Variants in EXOG observed in about 807,000 individuals in gnomAD.
The protein encoded by EXOG is nuclease EXOG, mitochondrial.
EXOG carries 27 observed loss-of-function variants against 25.8 expected under a neutral mutation model. The ratio of observed to expected loss-of-function variants is 1.05; its 90% CI spans 0.77 to 1.45. The LOEUF is 1.45. Ranked by LOEUF, EXOG falls within the 40% of genes most tolerant of loss-of-function variation. EXOG has a pLI of 0.00. For missense variants in EXOG, 458 were observed against 450.5 expected, an observed-to-expected ratio of 1.02 and a Z score of -0.15; for synonymous variants, 133 against 167.0, an observed-to-expected ratio of 0.80 and a Z score of 1.57.
At chr3:38,516,976 A>T (rs1034086428) in intron 5 of EXOG, among the ~76,000 whole-genome samples, 1 of 152,208 alleles carries the variant, frequency 6.6e-6, no homozygotes, top group Non-Finnish European at 1.5e-5. Context: ...TTGTCTGATT[A>T]TTGATGATTT....
At position 38,496,523 on chromosome 3, in the gene EXOG, G is replaced by C; in HGVS notation, c.156G>C (p.Gln52His). 1 of 1,611,594 alleles carries C rather than the reference G, an allele frequency of 6.2e-7. No homozygotes were observed. Among genetic ancestry groups the C allele is most frequent in the Non-Finnish European group, 8.5e-7 (1 of 1,179,694 alleles). ...CTGAGGGAGCGTTGACAGGGAAGCA[G>C]CCGGATGGTAAGTCTGTGGGCCCGT... ...QGAEGALTGKQPDGSAEKAVL... is the reference protein window; with the variant it reads ...QGAEGALTGKHPDGSAEKAVL... Residue 52 changes from glutamine (Q) to histidine (H), a missense_variant, in exon 1 of 6, where the codon CAG becomes CAC. By Grantham distance (24) the Gln-to-His change is conservative (BLOSUM62 0). Around this residue, in one of 3 missense-constraint regions of EXOG, gnomAD observed 275 missense variants for 230.5 expected, o/e 1.19. Coordinates refer to ENST00000287675, the MANE Select transcript of EXOG (RefSeq NM_005107.4).
At chr3:38,523,832 A>G (rs894571251) in intron 5 of EXOG, 69 bp from the exon 6 acceptor site, 1 of 1,118,346 alleles carries the variant, frequency 8.9e-7, no homozygotes, top group African/African-American at 1.6e-5. Flanking sequence ...TTAAATAAGT[A>G]TTTTTCAGAA....
rs933376538 is a variant in EXOG at position 38,506,841 on chromosome 3, A to G, written c.531-13A>G. 1.1e-5 allele frequency: 14 copies of G among 1,331,264 alleles called. No individual in the cohort carries two copies. Among genetic ancestry groups the G allele is most frequent in the Non-Finnish European group, 1.4e-5 (13 of 928,372 alleles). The allele number at this position is 1,331,264 out of a possible 1,614,324, so 82.5% of individuals were successfully genotyped here. The stretch of plus-strand genomic sequence containing the variant: ...ATGTGAGAATATCATACATTTTTTT[A>G]TTTGTTTTTCAGAATAGAAATGTAC... On this transcript the variant is annotated splice_polypyrimidine_tract_variant and intron_variant, in intron 4 of 5. Transcript: ENST00000287675.
At chr3:38,498,984 C>A (rs1470603669) in intron 2 of EXOG, 4 of 456,562 alleles carry the variant, frequency 8.8e-6, no homozygotes, top group South Asian at 1.5e-5. Context: ...TCAACCTTCA[C>A]CTATGGTGAG....
intron 5 of EXOG, among the ~76,000 whole-genome samples, chr3:38,514,854 T>G (rs2060489188): frequency 7.5e-6 from 1 of 133,686 alleles, no homozygotes; most frequent in African/African-American, 2.8e-5. Flanking sequence ...CACCGCAGCC[T>G]CCACCTCCCA....
intron 4 of EXOG, among the ~76,000 whole-genome samples, chr3:38,504,015 C>T (rs575886978): frequency 6.6e-6 from 1 of 152,238 alleles, no homozygotes; most frequent in Admixed American, 6.5e-5. Flanking sequence ...CTATTATTTT[C>T]TCTTGTATTC....
intron 5 of EXOG, among the ~76,000 whole-genome samples, chr3:38,521,552 A>C (rs2060716513): frequency 6.6e-6 from 1 of 152,236 alleles, no homozygotes; most frequent in Admixed American, 6.5e-5. Flanking sequence ...ATGTTCTTGA[A>C]CTGTACTGCA....
intron 4 of EXOG, among the ~76,000 whole-genome samples, chr3:38,505,081 T>G: frequency 6.6e-6 from 1 of 152,242 alleles, no homozygotes; most frequent in East Asian, 1.9e-4. Context: ...ATAACCACAG[T>G]ATTATTAATG....
rs1389201636 is a variant in EXOG at position 38,514,622 on chromosome 3, G to A, written c.645+7654G>A. ...GGGAATGATGAGTTGAGAACTGACT[G>A]TTTGCAATCCCAGTAAGCTTTTTTA... On this transcript the variant is annotated intron_variant, in intron 5 of 5. Coordinates refer to ENST00000287675, the MANE Select transcript of EXOG (RefSeq NM_005107.4). Among the ~76,000 whole-genome samples the A allele has an allele frequency of 2.0e-5, 3 of 152,216 alleles. No homozygotes were observed. In the East Asian group the frequency reaches 5.8e-4, roughly 29 times the overall value.
At chr3:38,507,021 ACTT>A in intron 5 of EXOG, 53 bp downstream of exon 5, 3 of 783,290 alleles carry the variant, frequency 3.8e-6, no homozygotes, top group Non-Finnish European at 6.4e-6. Context: ...TTATAATCTC[ACTT>A]TCCATTCTGC....
At chr3:38,510,770 C>T (rs1312885271) in intron 5 of EXOG, among the ~76,000 whole-genome samples, 1 of 151,810 alleles carries the variant, frequency 6.6e-6, no homozygotes, top group Non-Finnish European at 1.5e-5. Context: ...CATGTTCAAG[C>T]TAGCCTTAAA....
intron 5 of EXOG, among the ~76,000 whole-genome samples, chr3:38,521,765 C>G (rs2060722816): frequency 6.6e-6 from 1 of 152,170 alleles, no homozygotes; most frequent in Non-Finnish European, 1.5e-5. Flanking sequence ...TGGTACCTAA[C>G]CACATTCTAC....
intron 5 of EXOG, among the ~76,000 whole-genome samples, chr3:38,514,923 A>C (rs1290031671): frequency 6.6e-6 from 1 of 151,888 alleles, no homozygotes; most frequent in Admixed American, 6.6e-5. Context: ...GGCACCTGCC[A>C]CCACATTTGG....
rs376362669 is a variant in EXOG, at chr3:38,517,523, C to T, written c.646-6378C>T. Among the ~76,000 whole-genome samples the T allele has an allele frequency of 7.9e-5, 12 of 152,348 alleles. No homozygotes were observed. In the East Asian group the frequency reaches 2.1e-3, roughly 27 times the overall value. ...AGAAACCAAGATCTGGACAGCAATT[C>T]AGATTGATTCTTGAGTGCTTGCTCT... On this transcript the variant is annotated intron_variant, in intron 5 of 5. Transcript: ENST00000287675.
Position 38,524,105 on chromosome 3 carries a change from T to G in EXOG, c.850T>G (p.Leu284Val). The change falls in exon 6 of 6, where the codon TTG becomes GTG. Residue 284 changes from leucine to valine, a missense_variant. Coordinates refer to ENST00000287675, the MANE Select transcript of EXOG (RefSeq NM_005107.4). ...GTCAGGACTGGTGTTTTTTCCTCAT[T>G]TGGATAGAACTAGTGATATCCGGAA... Reference protein sequence around the residue: ...KLSGLVFFPHLDRTSDIRNIC... With the variant: ...KLSGLVFFPHVDRTSDIRNIC... 6.2e-7 allele frequency: 1 copy of G among 1,614,110 alleles called. No homozygotes were observed.
At position 38,524,985 on chromosome 3, in the gene EXOG, C is replaced by G; in HGVS notation, c.*623C>G. The G allele has an allele frequency of 7.1e-6, 7 of 985,404 alleles. No homozygotes were observed. The highest frequency in any genetic ancestry group is 8.4e-6 in the Non-Finnish European group (7 of 829,940). 61.0% of individuals were successfully genotyped at this position (985,404 alleles called of 1,614,324 possible). On this transcript the variant is annotated 3_prime_UTR_variant, in exon 6 of 6. Transcript: ENST00000287675. The stretch of plus-strand genomic sequence containing the variant: ...GTCTTGGAGGCAGCTTTTAGAAATC[C>G]TCTGTGTAGTTCCTGTCCACATGCA...
At chr3:38,505,363 A>T (rs1167800373) in intron 4 of EXOG, 1 of 151,760 alleles carries the variant, frequency 6.6e-6, no homozygotes, top group Non-Finnish European at 1.5e-5. Flanking sequence ...TGCTGATCGC[A>T]TACCTGTGGA....
intron 4 of EXOG, among the ~76,000 whole-genome samples, chr3:38,504,926 C>T (rs2060158514): frequency 1.3e-5 from 2 of 152,178 alleles, no homozygotes. Context: ...CAATGAGAGA[C>T]TTCAGCAGTT....
chr3:38,499,226 T>G (rs1442891731), intron 2 of EXOG, among the ~76,000 whole-genome samples: 1 of 152,232 alleles, frequency 6.6e-6, no homozygotes, highest in African/African-American at 2.4e-5. Context: ...TGCTGTGTGT[T>G]CCACATATTC....
Sources: gnomAD v4.1 joint callset for allele counts (sites outside exome capture counted in the v4.1 genomes callset) on GRCh38, gnomAD v4.1.1 for gene constraint, gnomAD v4.1.1 regional missense constraint, MANE v1.5 for transcripts, NCBI Gene and HGNC (gene_info 2026-07-23, HGNC 2026-07-21) for gene names.